Variants in ASIC2 observed in about 807,000 individuals in gnomAD.
ASIC2 encodes acid-sensing ion channel 2.
In ASIC2, 25 loss-of-function variants were observed where a neutral mutation model predicts 57.3. The observed-to-expected ratio is 0.44, with a 90% CI of 0.32 to 0.61. The LOEUF is 0.61. Ranked by LOEUF, ASIC2 falls within the 20% of genes least tolerant of loss-of-function variation. The pLI is 0.06. For synonymous variants in ASIC2, 319 were observed against 307.5 expected, an observed-to-expected ratio of 1.04 and a Z score of -0.39; for missense variants, 641 against 738.1, an observed-to-expected ratio of 0.87 and a Z score of 1.52.
chr17:33,196,334 A>G (rs530486217), intron 1 of ASIC2, among the ~76,000 whole-genome samples: 17 of 152,168 alleles, frequency 1.1e-4, no homozygotes, highest in Non-Finnish European at 2.1e-4. Flanking sequence ...GATGATGATG[A>G]TGATGATGAT....
chr17:33,823,210 G>A (rs1306960087), intron 1 of ASIC2, among the ~76,000 whole-genome samples: 1 of 152,192 alleles, frequency 6.6e-6, no homozygotes. Context: ...GATGACACAA[G>A]GCTGGTAAAT....
chr17:33,654,466 A>G (rs1907018143), intron 1 of ASIC2, among the ~76,000 whole-genome samples: 1 of 152,214 alleles, frequency 6.6e-6, no homozygotes, highest in African/African-American at 2.4e-5. Flanking sequence ...CCTGATCTGT[A>G]AGACATAAAA....
intron 1 of ASIC2, among the ~76,000 whole-genome samples, chr17:33,959,998 C>T (rs953585965): frequency 1.3e-5 from 2 of 152,218 alleles, no homozygotes; most frequent in Non-Finnish European, 2.9e-5. Context: ...TTTGTCTATG[C>T]TAATCACACT....
At chr17:34,063,420 T>C (rs1909043627) in intron 1 of ASIC2, among the ~76,000 whole-genome samples, 1 of 152,148 alleles carries the variant, frequency 6.6e-6, no homozygotes, top group Admixed American at 6.6e-5. Context: ...TAATACTGAA[T>C]GAGGAAAAGT....
intron 1 of ASIC2, among the ~76,000 whole-genome samples, chr17:33,787,755 T>A (rs550453054): frequency 3.6e-4 from 55 of 152,300 alleles, no homozygotes; most frequent in African/African-American, 1.3e-3. Flanking sequence ...GTGTGTGATA[T>A]GGTTTGGGTC....
At chr17:34,155,860 G>A in intron 1 of ASIC2, 1 of 1,195,542 alleles carries the variant, frequency 8.4e-7, no homozygotes. Context: ...GCCTTCAGGT[G>A]AGGCACTGCT....
chr17:33,680,885 G>A (rs1907980408), intron 1 of ASIC2: 1 of 152,232 alleles, frequency 6.6e-6, no homozygotes. Flanking sequence ...GTTTTTGCAT[G>A]TAATTATGTA....
intron 1 of ASIC2, among the ~76,000 whole-genome samples, chr17:33,705,026 C>T (rs1450332253): frequency 6.6e-6 from 1 of 152,168 alleles, no homozygotes; most frequent in Non-Finnish European, 1.5e-5. Flanking sequence ...CAGGGAACAA[C>T]ATGAATGTCA....
At chr17:33,411,880 T>C (rs1479020491) in intron 1 of ASIC2, among the ~76,000 whole-genome samples, 4 of 152,194 alleles carry the variant, frequency 2.6e-5, no homozygotes, top group African/African-American at 9.6e-5. Context: ...GAGATAAAAG[T>C]GACATGGCTT....
intron 1 of ASIC2, among the ~76,000 whole-genome samples, chr17:33,677,867 C>T (rs1479263919): frequency 6.6e-6 from 1 of 152,190 alleles, no homozygotes; most frequent in Non-Finnish European, 1.5e-5. Context: ...AAGGATTGAG[C>T]ATATTACATA....
At chr17:33,579,474 C>T (rs1219288266) in intron 1 of ASIC2, among the ~76,000 whole-genome samples, 1 of 151,988 alleles carries the variant, frequency 6.6e-6, no homozygotes, top group East Asian at 1.9e-4. Context: ...ATTCAACATT[C>T]ATTGAGAATC....
In ASIC2 at chr17:33,837,711, G is replaced by A. The variant is rs560782122; in HGVS notation, c.555+318267C>T. Among the ~76,000 whole-genome samples the A allele has an allele frequency of 2.0e-5, 3 of 152,178 alleles. No individual in the cohort carries two copies. In the East Asian group the frequency reaches 5.8e-4, roughly 29 times the overall value. ...TTCATTCTCTACAGGGCTTAAATCT[G>A]TTAACAACGAAAAACAAAAAACAAA... On this transcript the variant is annotated intron_variant, in intron 1 of 9. Coordinates refer to the ASIC2 transcript ENST00000359872.
At chr17:33,144,930 C>T (rs981080003) in intron 1 of ASIC2, among the ~76,000 whole-genome samples, 1 of 152,206 alleles carries the variant, frequency 6.6e-6, no homozygotes, top group African/African-American at 2.4e-5. Context: ...CCTGGAAGCT[C>T]CATGACAATC....
At chr17:33,680,816 TA>T (rs1907978086) in intron 1 of ASIC2, 1 of 152,276 alleles carries the variant, frequency 6.6e-6, no homozygotes, top group Non-Finnish European at 1.5e-5. Context: ...TGGTACTTGT[TA>T]GTTTATTTTA....
intron 1 of ASIC2, among the ~76,000 whole-genome samples, chr17:33,161,247 AC>A (rs1390719081): frequency 6.6e-6 from 1 of 152,156 alleles, no homozygotes; most frequent in Non-Finnish European, 1.5e-5. Context: ...TAGAGCACCT[AC>A]TGTATGCCAG....
intron 1 of ASIC2, among the ~76,000 whole-genome samples, chr17:33,979,130 G>T (rs1905507213): frequency 6.6e-6 from 1 of 152,124 alleles, no homozygotes; most frequent in Admixed American, 6.5e-5. Flanking sequence ...AGGAGGGTGG[G>T]CAGTGAGTTG....
At chr17:33,188,509 A>T (rs1906291068) in intron 1 of ASIC2, among the ~76,000 whole-genome samples, 1 of 152,150 alleles carries the variant, frequency 6.6e-6, no homozygotes, top group African/African-American at 2.4e-5. Context: ...ACATCAAAGC[A>T]TATCAAAACC....
At chr17:33,631,679 A>G (rs574985965) in intron 1 of ASIC2, among the ~76,000 whole-genome samples, 2 of 152,290 alleles carry the variant, frequency 1.3e-5, no homozygotes, top group East Asian at 3.9e-4. Flanking sequence ...TATAGCATCC[A>G]TAGGTGGAAG....
intron 1 of ASIC2, among the ~76,000 whole-genome samples, chr17:33,778,097 G>C (rs905394441): frequency 2.6e-5 from 4 of 152,162 alleles, no homozygotes; most frequent in African/African-American, 9.7e-5. Flanking sequence ...GATTCACTGA[G>C]CTACCTTGTG....
Sources: gnomAD v4.1 joint callset for allele counts (sites outside exome capture counted in the v4.1 genomes callset) on GRCh38, gnomAD v4.1.1 for gene constraint, MANE v1.5 for transcripts, NCBI Gene and HGNC (gene_info 2026-07-23, HGNC 2026-07-21) for gene names.